MYO3A: variants seen among roughly 807,000 people sequenced by gnomAD.
MYO3A encodes myosin IIIA.
Under a neutral mutation model 192.7 loss-of-function variants are expected in MYO3A, and 180 were observed. That is an observed-to-expected ratio of 0.93 (90% CI 0.83 to 1.06). MYO3A has a LOEUF of 1.06. Ranked by LOEUF, MYO3A falls within the 50% of genes least tolerant of loss-of-function variation. The pLI is 0.00. For missense variants in MYO3A, 1,896 were observed against 1,905.0 expected, an observed-to-expected ratio of 1.00 and a Z score of 0.09; for synonymous variants, 628 against 645.3, an observed-to-expected ratio of 0.97 and a Z score of 0.41.
At chr10:26,052,994 G>A (rs1844094520) in intron 10 of MYO3A, among the ~76,000 whole-genome samples, 1 of 152,064 alleles carries the variant, frequency 6.6e-6, no homozygotes, top group Admixed American at 6.5e-5. Context: ...TTAACAAGTT[G>A]TACTTTTCAC....
chr10:26,193,064 T>A (rs1401584170), intron 31 of MYO3A, 141 bp from the exon 32 acceptor site: 1 of 716,764 alleles, frequency 1.4e-6, no homozygotes, highest in East Asian at 2.7e-5. Context: ...TAAGGGTTGG[T>A]TATGCAGCAA....
chr10:25,985,288 A>C (rs1193918351), intron 4 of MYO3A, among the ~76,000 whole-genome samples: 1 of 151,888 alleles, frequency 6.6e-6, no homozygotes, highest in East Asian at 1.9e-4. Flanking sequence ...TATACAATCT[A>C]AAGTCACACC....
intron 4 of MYO3A, among the ~76,000 whole-genome samples, chr10:25,975,979 A>T (rs368321673): frequency 5.9e-5 from 9 of 152,244 alleles, no homozygotes; most frequent in South Asian, 4.1e-4. Flanking sequence ...CATTGTACAA[A>T]ACCATATAAA....
chr10:26,153,400 A>G (rs1348281182), intron 23 of MYO3A, among the ~76,000 whole-genome samples: 1 of 152,238 alleles, frequency 6.6e-6, no homozygotes, highest in African/African-American at 2.4e-5. Context: ...TCTGAAAGTT[A>G]GATTGAAAAA....
chr10:26,030,332 T>C (rs771639715), intron 10 of MYO3A, among the ~76,000 whole-genome samples: 6 of 152,338 alleles, frequency 3.9e-5, no homozygotes, highest in Non-Finnish European at 7.3e-5. Context: ...ACTTTATTTT[T>C]TTAATGTGTA....
At chr10:26,000,417 T>A (rs559689629) in intron 6 of MYO3A, among the ~76,000 whole-genome samples, 105 of 152,332 alleles carry the variant, frequency 6.9e-4, no homozygotes, top group Middle Eastern at 3.4e-3. Flanking sequence ...GGGAAAATAA[T>A]GAACATTTAT....
intron 10 of MYO3A, among the ~76,000 whole-genome samples, chr10:26,043,149 G>GTCTCTCTCTCTCTCTC (rs59621862): frequency 8.4e-4 from 120 of 143,382 alleles, no homozygotes; most frequent in African/African-American, 2.3e-3. Flanking sequence ...GCCAAACAGA[G>GTCTCTCTCTCTCTCTC]TCTCTCTCTC....
chr10:26,011,365 T>C (rs1260924075), intron 6 of MYO3A, among the ~76,000 whole-genome samples: 2 of 152,038 alleles, frequency 1.3e-5, no homozygotes, highest in African/African-American at 2.4e-5. Context: ...ACCCAGGAAA[T>C]TGAGGATGCA....
At chr10:26,039,753 T>C (rs1322111221) in intron 10 of MYO3A, among the ~76,000 whole-genome samples, 1 of 152,170 alleles carries the variant, frequency 6.6e-6, no homozygotes, top group Non-Finnish European at 1.5e-5. Flanking sequence ...TGATTTTACT[T>C]AATTGGGTCT....
chr10:26,023,665 A>G (rs1322011396), intron 8 of MYO3A, among the ~76,000 whole-genome samples: 1 of 152,088 alleles, frequency 6.6e-6, no homozygotes, highest in Admixed American at 6.6e-5. Context: ...TTCCTCAGAG[A>G]CTTCATTGGG....
chr10:26,113,680 G>C (rs1156684380), intron 17 of MYO3A, among the ~76,000 whole-genome samples: 1 of 152,126 alleles, frequency 6.6e-6, no homozygotes. Context: ...CGCAGCCAAG[G>C]AGGTAGTTGG....
chr10:26,180,142 T>C (rs902676963), intron 31 of MYO3A, among the ~76,000 whole-genome samples: 2 of 152,206 alleles, frequency 1.3e-5, no homozygotes, highest in African/African-American at 4.8e-5. Context: ...GCCTCAATTA[T>C]TAATTTAGAG....
chr10:26,181,864 GA>G (rs898053406), intron 31 of MYO3A, among the ~76,000 whole-genome samples: 6 of 148,892 alleles, frequency 4.0e-5, no homozygotes, highest in Non-Finnish European at 8.9e-5. Flanking sequence ...AATCAGAGCT[GA>G]AAAAAAAATT....
intron 6 of MYO3A, among the ~76,000 whole-genome samples, chr10:26,007,558 C>A (rs562302483): frequency 1.2e-4 from 19 of 152,146 alleles, no homozygotes; most frequent in Admixed American, 8.5e-4. Context: ...ATCAATGTGC[C>A]AAAATCACAA....
At chr10:25,935,060 T>A (rs1260177183) in intron 1 of MYO3A, among the ~76,000 whole-genome samples, 1 of 152,080 alleles carries the variant, frequency 6.6e-6, no homozygotes, top group Non-Finnish European at 1.5e-5. Context: ...CAGGTGGCGC[T>A]GGGTCGGCCC....
chr10:26,135,697 G>A (rs1042629089), intron 20 of MYO3A, among the ~76,000 whole-genome samples: 6 of 152,022 alleles, frequency 3.9e-5, no homozygotes, highest in Non-Finnish European at 8.8e-5. Context: ...AAACTCGACC[G>A]GGCGCAGTGG....
chr10:26,057,917 C>T (rs924004963), intron 10 of MYO3A, among the ~76,000 whole-genome samples: 4 of 151,904 alleles, frequency 2.6e-5, no homozygotes, highest in Non-Finnish European at 4.4e-5. Context: ...TAGGCACAGC[C>T]TTCTCCACTG....
At chr10:25,942,661 A>C (rs1325129734) in intron 2 of MYO3A, among the ~76,000 whole-genome samples, 1 of 152,164 alleles carries the variant, frequency 6.6e-6, no homozygotes, top group Non-Finnish European at 1.5e-5. Context: ...GTGGTATTGC[A>C]TTGTGACTTT....
rs546374783 is a variant in MYO3A, at chr10:26,057,916, C to T, written c.954-9059C>T. Among the ~76,000 whole-genome samples, 3 of 152,058 alleles carry T rather than the reference C, an allele frequency of 2.0e-5. No individual in the cohort carries two copies. The South Asian group carries it at 6.3e-4, about 32-fold the overall frequency. The stretch of plus-strand genomic sequence containing the variant: ...GTCCCCTTCCCCCAGGTAGGCACAG[C>T]CTTCTCCACTGTCAACATCCCACAC... On this transcript the variant is annotated intron_variant, in intron 10 of 34. Coordinates refer to ENST00000642920, the MANE Select transcript of MYO3A (RefSeq NM_017433.5).
Sources: allele counts gnomAD v4.1 joint callset (sites outside exome capture counted in the v4.1 genomes callset), GRCh38; gene constraint gnomAD v4.1.1; transcripts MANE v1.5; gene names NCBI Gene and HGNC (gene_info 2026-07-23, HGNC 2026-07-21).